LEKR1: variants seen among roughly 807,000 people sequenced by gnomAD.
LEKR1 encodes the protein leucine, glutamate and lysine rich 1, also known as protein LEKR1.
LEKR1 carries 59 observed loss-of-function variants against 72.4 expected under a neutral mutation model. That is an observed-to-expected ratio of 0.82 (90% CI 0.66 to 1.01). The LOEUF (loss-of-function observed/expected upper bound fraction) is 1.01, where lower values mean the gene tolerates loss of function less well. Among genes scored for constraint, LEKR1 ranks in the 50% least tolerant of loss-of-function variants. The pLI is 0.00. For synonymous variants in LEKR1, 257 were observed against 263.2 expected, an observed-to-expected ratio of 0.98 and a Z score of 0.23; for missense variants, 728 against 759.2, an observed-to-expected ratio of 0.96 and a Z score of 0.48.
At chr3:157,032,506 G>A (rs927457329) in intron 12 of LEKR1, among the ~76,000 whole-genome samples, 1 of 152,148 alleles carries the variant, frequency 6.6e-6, no homozygotes, top group Admixed American at 6.6e-5. Context: ...CACTAAAATG[G>A]CAGTCAATTA....
intron 3 of LEKR1, among the ~76,000 whole-genome samples, chr3:156,880,738 G>T (rs915877024): frequency 2.0e-5 from 3 of 152,178 alleles, no homozygotes; most frequent in Non-Finnish European, 4.4e-5. Context: ...GAACATTGAT[G>T]CAAAAATCCT....
At chr3:156,916,821 C>G (rs1003142276) in intron 3 of LEKR1, among the ~76,000 whole-genome samples, 11 of 152,082 alleles carry the variant, frequency 7.2e-5, no homozygotes, top group African/African-American at 2.4e-4. Flanking sequence ...AGAGGGCATC[C>G]TTGTCTTGTT....
At chr3:156,875,138 C>G (rs971316662) in intron 3 of LEKR1, among the ~76,000 whole-genome samples, 1 of 152,202 alleles carries the variant, frequency 6.6e-6, no homozygotes, top group Non-Finnish European at 1.5e-5. Flanking sequence ...TACTAGTTTA[C>G]ATTCTCACCA....
intron 12 of LEKR1, among the ~76,000 whole-genome samples, 164 bp from the exon 13 acceptor site, chr3:157,045,176 T>A (rs773205489): frequency 6.6e-6 from 1 of 152,228 alleles, no homozygotes; most frequent in Non-Finnish European, 1.5e-5. Context: ...TCACAGATTA[T>A]TTCTGTTCTT....
chr3:156,952,558 C>G (rs1215115557), intron 6 of LEKR1, among the ~76,000 whole-genome samples: 1 of 150,950 alleles, frequency 6.6e-6, no homozygotes, highest in East Asian at 1.9e-4. Context: ...TAACAAAACC[C>G]AAAAGTATGA....
intron 10 of LEKR1, among the ~76,000 whole-genome samples, chr3:157,016,070 A>G (rs1733297342): frequency 6.6e-6 from 1 of 152,156 alleles, no homozygotes; most frequent in Non-Finnish European, 1.5e-5. Flanking sequence ...AAACCTCAGA[A>G]AGAACATCAG....
At chr3:156,986,949 A>T (rs1291496522) in intron 7 of LEKR1, among the ~76,000 whole-genome samples, 1 of 152,210 alleles carries the variant, frequency 6.6e-6, no homozygotes, top group African/African-American at 2.4e-5. Flanking sequence ...GAGTTAGTTT[A>T]AGAATGGCTG....
chr3:156,850,237 T>G (rs1361809514), intron 2 of LEKR1, among the ~76,000 whole-genome samples: 1 of 151,292 alleles, frequency 6.6e-6, no homozygotes, highest in Admixed American at 6.6e-5. Flanking sequence ...TAAGATAATA[T>G]AAGATATATA....
chr3:156,860,376 A>C (rs370088684), intron 3 of LEKR1, among the ~76,000 whole-genome samples: 3 of 152,092 alleles, frequency 2.0e-5, no homozygotes, highest in African/African-American at 4.8e-5. Context: ...TGTCATGTGG[A>C]GAGTTAATCC....
chr3:157,043,236 A>C (rs1453420794), intron 12 of LEKR1, among the ~76,000 whole-genome samples: 1 of 152,194 alleles, frequency 6.6e-6, no homozygotes, highest in African/African-American at 2.4e-5. Context: ...AGCCAGTTGA[A>C]TCTCTTTTCT....
intron 5 of LEKR1, among the ~76,000 whole-genome samples, chr3:156,929,532 A>G (rs1023757401): frequency 2.6e-5 from 4 of 152,154 alleles, no homozygotes; most frequent in Middle Eastern, 3.2e-3. Flanking sequence ...CTAGTGCTCA[A>G]ACTGCTAGCA....
chr3:156,902,696 C>T (rs911551145), intron 3 of LEKR1, among the ~76,000 whole-genome samples: 1 of 129,846 alleles, frequency 7.7e-6, no homozygotes, highest in Non-Finnish European at 1.6e-5. Flanking sequence ...AACTTTTTTC[C>T]TTCACTTAAG....
chr3:156,857,321 C>T (rs1043761182), intron 3 of LEKR1, among the ~76,000 whole-genome samples: 1 of 152,028 alleles, frequency 6.6e-6, no homozygotes, highest in Non-Finnish European at 1.5e-5. Context: ...ATTTGCTTGC[C>T]TTCTTCATGA....
intron 7 of LEKR1, chr3:156,988,669 T>C: frequency 4.2e-6 from 1 of 237,866 alleles, no homozygotes; most frequent in South Asian, 9.2e-5. Flanking sequence ...TGCACCCAGC[T>C]TCAGGCAAAG....
intron 4 of LEKR1, among the ~76,000 whole-genome samples, chr3:156,923,652 G>A (rs1176821043): frequency 1.3e-5 from 2 of 152,032 alleles, no homozygotes; most frequent in African/African-American, 2.4e-5. Context: ...ACAAGTCTTT[G>A]TGTGGACATA....
chr3:156,859,112 T>C (rs1162680184), intron 3 of LEKR1, among the ~76,000 whole-genome samples: 2 of 152,226 alleles, frequency 1.3e-5, no homozygotes, highest in Non-Finnish European at 2.9e-5. Context: ...CTCCTTTTAA[T>C]GGATATAACT....
At chr3:156,916,162 G>A (rs1723620154) in intron 3 of LEKR1, among the ~76,000 whole-genome samples, 3 of 152,010 alleles carry the variant, frequency 2.0e-5, no homozygotes, top group Admixed American at 6.6e-5. Context: ...GCTTACTGTA[G>A]CCCCGTAGCA....
chr3:156,870,062 A>G (rs552005776), intron 3 of LEKR1, among the ~76,000 whole-genome samples: 5 of 152,082 alleles, frequency 3.3e-5, no homozygotes, highest in East Asian at 3.9e-4. Flanking sequence ...CTCTTGGTCT[A>G]TGTGTCTGTT....
intron 5 of LEKR1, among the ~76,000 whole-genome samples, chr3:156,942,216 A>G (rs1029001795): frequency 2.0e-5 from 3 of 152,034 alleles, no homozygotes; most frequent in African/African-American, 7.2e-5. Flanking sequence ...AATAAAACCT[A>G]TAACATTACA....
Sources: gnomAD v4.1 joint callset for allele counts (sites outside exome capture counted in the v4.1 genomes callset) on GRCh38, gnomAD v4.1.1 for gene constraint, MANE v1.5 for transcripts, NCBI Gene and HGNC (gene_info 2026-07-23, HGNC 2026-07-21) for gene names.